Variants in COTL1 observed in about 807,000 individuals in gnomAD.
COTL1 encodes the protein coactosin-like protein.
A neutral mutation model predicts 16.5 loss-of-function variants in COTL1; 15 were observed. That is an observed-to-expected ratio of 0.91 (90% CI 0.61 to 1.40). The LOEUF (loss-of-function observed/expected upper bound fraction) is 1.40, where lower values mean the gene tolerates loss of function less well. Ranked by LOEUF, COTL1 falls within the 40% of genes most tolerant of loss-of-function variation. The pLI, the probability that COTL1 is intolerant of heterozygous loss-of-function variation, is 0.00. For missense variants in COTL1, 220 were observed against 201.5 expected, an observed-to-expected ratio of 1.09 and a Z score of -0.56; for synonymous variants, 112 against 85.3, an observed-to-expected ratio of 1.31 and a Z score of -1.73.
chr16:84,580,042 C>A (rs531010234), intron 3 of COTL1, among the ~76,000 whole-genome samples: 30 of 152,322 alleles, frequency 2.0e-4, no homozygotes, highest in African/African-American at 6.5e-4. Flanking sequence ...CCACAGCGTC[C>A]GGAGGCCAGC....
intron 3 of COTL1, among the ~76,000 whole-genome samples, chr16:84,588,205 A>C (rs1904779220): frequency 2.0e-5 from 3 of 151,460 alleles, no homozygotes; most frequent in Non-Finnish European, 4.4e-5. Context: ...ATATAGTGAG[A>C]TCCTGTCTCT....
At chr16:84,582,993 A>T (rs1904634232) in intron 3 of COTL1, among the ~76,000 whole-genome samples, 1 of 152,246 alleles carries the variant, frequency 6.6e-6, no homozygotes, top group Non-Finnish European at 1.5e-5. Flanking sequence ...AAGATCGAGA[A>T]TCAGGAAATT....
At chr16:84,610,723 T>A (rs1012060278) in intron 2 of COTL1, among the ~76,000 whole-genome samples, 1 of 151,884 alleles carries the variant, frequency 6.6e-6, no homozygotes, top group Non-Finnish European at 1.5e-5. Flanking sequence ...GAGGGAATGC[T>A]GGACAGAAAA....
At position 84,590,533 on chromosome 16, in the gene COTL1, C is replaced by G. The variant is rs1163342600; in HGVS notation, c.161-271G>C. ...ATTCAGAGAAGTCACATGGCACTTTCAAGGTTGTGAGGGAATTCAAGGTCA... is the reference window on the plus strand; with the variant it reads ...ATTCAGAGAAGTCACATGGCACTTTGAAGGTTGTGAGGGAATTCAAGGTCA... On this transcript the variant is annotated intron_variant, in intron 2 of 3. Coordinates refer to ENST00000262428, the MANE Select transcript of COTL1 (RefSeq NM_021149.5). This position sits in a 1 kb window ranked among gnomAD's most constrained non-coding sequence, Gnocchi z 5.5. 2.5e-5 allele frequency: 8 copies of G among 313,822 alleles called. No individual in the cohort carries two copies. The East Asian group carries it at 4.7e-4, about 18-fold the overall frequency. The allele number at this position is 313,822 out of a possible 1,614,324, so 19.4% of individuals were successfully genotyped here. A position where few individuals can be genotyped will look rare whatever the true frequency, so the allele number is the denominator to read the frequency against.
chr16:84,598,815 C>T (rs1316392193), intron 2 of COTL1, among the ~76,000 whole-genome samples: 1 of 29,770 alleles, frequency 3.4e-5, no homozygotes, highest in African/African-American at 9.1e-5. Flanking sequence ...GGGGACCAAG[C>T]GGCAGGGGTG....
rs1202404702 is a variant in COTL1, at chr16:84,617,959, G to C, written c.-45C>G. Reference sequence around the variant, plus strand: ...GACACTGTCCGGGGCGGCCGAGCGCGCCCCTGGCCGGCGGCGGGGATGGGA... The same window carrying C: ...GACACTGTCCGGGGCGGCCGAGCGCCCCCCTGGCCGGCGGCGGGGATGGGA... On this transcript the variant is annotated 5_prime_UTR_variant, in exon 1 of 4. Transcript: ENST00000262428. 2 of 1,409,834 alleles carry C rather than the reference G, an allele frequency of 1.4e-6. No homozygotes were observed. Among genetic ancestry groups the C allele is most frequent in the Non-Finnish European group, 1.9e-6 (2 of 1,070,174 alleles). The allele number at this position is 1,409,834 out of a possible 1,614,324, so 87.3% of individuals were successfully genotyped here.
At chr16:84,617,617 A>T (rs1178659148) in intron 1 of COTL1, 34 bp from the exon 2 acceptor site, 8 of 1,537,874 alleles carry the variant, frequency 5.2e-6, no homozygotes, top group Middle Eastern at 1.7e-4. Context: ...ACACACACAC[A>T]CATCAGCGCT....
intron 2 of COTL1, chr16:84,596,453 A>AG (rs1173240908): frequency 3.9e-5 from 6 of 152,220 alleles, no homozygotes; most frequent in African/African-American, 1.4e-4. Context: ...TGAGATCTGA[A>AG]GGGTTGGCTG....
intron 2 of COTL1, chr16:84,595,717 GTGATA>G (rs1463186265): frequency 6.6e-6 from 1 of 152,154 alleles, no homozygotes; most frequent in Non-Finnish European, 1.5e-5. Flanking sequence ...ATATATTAGT[GTGATA>G]TGTGTGTGCG....
chr16:84,602,461 G>A (rs1029702240), intron 2 of COTL1, among the ~76,000 whole-genome samples: 9 of 151,790 alleles, frequency 5.9e-5, no homozygotes, highest in African/African-American at 2.2e-4. Flanking sequence ...TTTAAAGTGT[G>A]ACTTCCACCC....
At chr16:84,580,785 T>A (rs1387049225) in intron 3 of COTL1, among the ~76,000 whole-genome samples, 4 of 152,164 alleles carry the variant, frequency 2.6e-5, no homozygotes, top group Non-Finnish European at 5.9e-5. Context: ...CGATACCTGA[T>A]CCCACCATTC....
chr16:84,585,200 TA>T (rs35694962), intron 3 of COTL1, among the ~76,000 whole-genome samples: 12,763 of 151,934 alleles, frequency 0.084, 708 homozygotes, highest in African/African-American at 0.16. Context: ...ATCCCTCCAC[TA>T]AAATTAGCTG....
intron 2 of COTL1, among the ~76,000 whole-genome samples, chr16:84,598,938 G>C (rs1373196160): frequency 6.6e-6 from 1 of 151,776 alleles, no homozygotes; most frequent in African/African-American, 2.4e-5. Flanking sequence ...CAGAAACAGA[G>C]GATGACCACA....
chr16:84,593,790 C>G (rs550907926), intron 2 of COTL1, among the ~76,000 whole-genome samples: 1 of 152,178 alleles, frequency 6.6e-6, no homozygotes, highest in East Asian at 1.9e-4. Context: ...TGAGCCACCG[C>G]GCCCGGCCAT....
chr16:84,577,402 A>T (rs1035676971), intron 3 of COTL1, among the ~76,000 whole-genome samples: 43 of 152,092 alleles, frequency 2.8e-4, no homozygotes, highest in African/African-American at 1.0e-3. Context: ...GCGCCATCAC[A>T]CCCAGCTATT....
intron 3 of COTL1, among the ~76,000 whole-genome samples, chr16:84,572,785 C>T (rs562873924): frequency 1.8e-4 from 28 of 152,192 alleles, no homozygotes; most frequent in African/African-American, 6.0e-4. Context: ...CACTCTGTCA[C>T]CCACGCTGCC....
chr16:84,609,476 C>G (rs114657669), intron 2 of COTL1, among the ~76,000 whole-genome samples: 2,078 of 152,288 alleles, frequency 0.014, 42 homozygotes, highest in African/African-American at 0.046. Flanking sequence ...TCCTTCAATC[C>G]TTTCTTCAAC....
At chr16:84,609,403 T>G (rs371532982) in intron 2 of COTL1, among the ~76,000 whole-genome samples, 7 of 152,334 alleles carry the variant, frequency 4.6e-5, no homozygotes, top group African/African-American at 1.7e-4. Context: ...TCAGTCTTCC[T>G]GGAGGCATAG....
chr16:84,613,063 C>T (rs755788726), intron 2 of COTL1, among the ~76,000 whole-genome samples: 31 of 150,952 alleles, frequency 2.1e-4, no homozygotes, highest in Middle Eastern at 3.2e-3. Flanking sequence ...TACAACAGCG[C>T]GATCTCGGCT....
Sources: allele counts gnomAD v4.1 joint callset (sites outside exome capture counted in the v4.1 genomes callset), GRCh38; gene constraint gnomAD v4.1.1; non-coding constraint Gnocchi (gnomAD v3.1); transcripts MANE v1.5; gene names NCBI Gene and HGNC (gene_info 2026-07-23, HGNC 2026-07-21).